PLXNA4: variants seen among roughly 807,000 people sequenced by gnomAD.
PLXNA4 encodes plexin A4.
PLXNA4 carries 44 observed loss-of-function variants against 191.8 expected under a neutral mutation model. The ratio of observed to expected loss-of-function variants is 0.23; its 90% CI spans 0.18 to 0.29. The LOEUF (loss-of-function observed/expected upper bound fraction) is 0.29. Ranked by LOEUF, PLXNA4 falls within the 10% of genes least tolerant of loss-of-function variation. The pLI is 1.00. For missense variants in PLXNA4, 1,800 were observed against 2,488.8 expected, an observed-to-expected ratio of 0.72 and a Z score of 5.89; for synonymous variants, 1,082 against 1,009.5, an observed-to-expected ratio of 1.07 and a Z score of -1.36.
chr7:132,552,147 T>A (rs1455835574), intron 1 of PLXNA4, among the ~76,000 whole-genome samples: 3 of 152,086 alleles, frequency 2.0e-5, no homozygotes, highest in Non-Finnish European at 1.5e-5. Context: ...ACAGGAAAGC[T>A]CCCGGTGAGA....
At chr7:132,383,565 T>C in intron 3 of PLXNA4, 1 of 984,108 alleles carries the variant, frequency 1.0e-6, no homozygotes, top group Non-Finnish European at 1.2e-6. Context: ...GCTTTTTCAC[T>C]GAATGTTATC....
intron 4 of PLXNA4, among the ~76,000 whole-genome samples, chr7:132,256,848 G>A (rs999984078): frequency 1.3e-5 from 2 of 152,234 alleles, no homozygotes; most frequent in South Asian, 2.1e-4. Context: ...TGGAATCTGA[G>A]TGATACGGCA....
chr7:132,534,324 C>G (rs1439274267), intron 1 of PLXNA4, among the ~76,000 whole-genome samples: 1 of 152,212 alleles, frequency 6.6e-6, no homozygotes, highest in Non-Finnish European at 1.5e-5. Flanking sequence ...ACCGCCCCTA[C>G]TAACTACTTC....
intron 2 of PLXNA4, among the ~76,000 whole-genome samples, chr7:132,497,971 T>A (rs964473708): frequency 4.6e-5 from 7 of 152,112 alleles, no homozygotes; most frequent in African/African-American, 1.7e-4. Context: ...GACAAACACA[T>A]CATTGCAGGG....
At chr7:132,218,899 A>T (rs1019951414) in intron 9 of PLXNA4, among the ~76,000 whole-genome samples, 2 of 152,232 alleles carry the variant, frequency 1.3e-5, no homozygotes, top group African/African-American at 4.8e-5. Flanking sequence ...TGCCATTAAT[A>T]TAATAACAAC....
intron 2 of PLXNA4, among the ~76,000 whole-genome samples, chr7:132,614,688 G>A (rs1034762554): frequency 6.6e-6 from 1 of 152,224 alleles, no homozygotes; most frequent in African/African-American, 2.4e-5. Context: ...ACGGGACAGA[G>A]GCACCTGGCC....
At chr7:132,140,548 C>G (rs1309733780) in intron 30 of PLXNA4, 51 bp downstream of exon 30, 1 of 1,598,404 alleles carries the variant, frequency 6.3e-7, no homozygotes, top group Non-Finnish European at 8.5e-7. Context: ...GTTGAGGGAG[C>G]TGCTGGCTCC....
chr7:132,348,021 C>T (rs867341083), intron 3 of PLXNA4, among the ~76,000 whole-genome samples: 3 of 152,176 alleles, frequency 2.0e-5, no homozygotes, highest in Non-Finnish European at 4.4e-5. Context: ...TTCCATTTGC[C>T]TCCCAGTTGC....
At chr7:132,222,591 T>TA (rs1798183978) in intron 9 of PLXNA4, among the ~76,000 whole-genome samples, 1 of 152,088 alleles carries the variant, frequency 6.6e-6, no homozygotes, top group Non-Finnish European at 1.5e-5. Flanking sequence ...GTCTGAAAGA[T>TA]ACACGCAAGA....
At chr7:132,318,365 C>T (rs879310456) in intron 3 of PLXNA4, among the ~76,000 whole-genome samples, 3 of 152,196 alleles carry the variant, frequency 2.0e-5, no homozygotes, top group South Asian at 2.1e-4. Context: ...CCCAGAGTGT[C>T]GAGGAAAGGA....
intron 4 of PLXNA4, among the ~76,000 whole-genome samples, chr7:132,248,838 C>T (rs932786877): frequency 5.1e-5 from 7 of 137,116 alleles, no homozygotes; most frequent in East Asian, 4.3e-4. Flanking sequence ...ATCTGGCCAC[C>T]CCAGTGTCAG....
chr7:132,537,053 A>G (rs1204210837), intron 1 of PLXNA4, among the ~76,000 whole-genome samples: 1 of 152,348 alleles, frequency 6.6e-6, no homozygotes, highest in African/African-American at 2.4e-5. Context: ...GCGACAGGTT[A>G]CGTATAAACT....
chr7:132,461,450 A>G (rs1184439464), intron 3 of PLXNA4, among the ~76,000 whole-genome samples: 1 of 152,264 alleles, frequency 6.6e-6, no homozygotes, highest in Non-Finnish European at 1.5e-5. Flanking sequence ...CAGTATGTAC[A>G]TACAAGGAGC....
intron 1 of PLXNA4, among the ~76,000 whole-genome samples, chr7:132,541,092 A>C (rs1039862385): frequency 6.6e-6 from 1 of 152,216 alleles, no homozygotes; most frequent in Non-Finnish European, 1.5e-5. Flanking sequence ...AGAGAGCCAG[A>C]GGGGAGAAAA....
intron 14 of PLXNA4, 125 bp from the exon 15 acceptor site, chr7:132,187,732 C>T: frequency 6.9e-7 from 1 of 1,448,246 alleles, no homozygotes. Flanking sequence ...AGTGGTCTCC[C>T]AGAGAACCAG....
At chr7:132,226,393 C>A (rs1798324166) in intron 7 of PLXNA4, 133 bp from the exon 8 acceptor site, 3 of 668,404 alleles carry the variant, frequency 4.5e-6, no homozygotes, top group Non-Finnish European at 7.7e-6. Flanking sequence ...TCTGACTCAG[C>A]AGACCCAGTC....
chr7:132,202,656 C>CG lies in PLXNA4; in HGVS notation c.2575dup (p.Arg859ProfsTer59). 6.6e-7 allele frequency: 1 copy of CG among 1,520,068 alleles called. No homozygotes were observed. The highest frequency in any genetic ancestry group is 8.9e-7 in the Non-Finnish European group (1 of 1,129,910). The allele number at this position is 1,520,068 out of a possible 1,614,324, so 94.2% of individuals were successfully genotyped here. A position where few individuals can be genotyped will look rare whatever the true frequency, so the allele number is the denominator to read the frequency against. ...CCGACCCCGGCTTACCTCTGTGATG[C>CG]GGGGGTTTGTGCACTTGCTTTTGGC... On this transcript the variant is annotated frameshift_variant, in exon 12 of 32. Transcript: ENST00000321063. LOFTEE classifies it high-confidence loss of function.
intron 2 of PLXNA4, among the ~76,000 whole-genome samples, chr7:132,643,294 ACTC>A (rs1283417497): frequency 2.0e-5 from 3 of 151,894 alleles, no homozygotes; most frequent in Non-Finnish European, 4.4e-5. Context: ...AAGATCATAA[ACTC>A]CTCAAGGGCA....
chr7:132,628,902 T>C (rs891274589), intron 2 of PLXNA4, among the ~76,000 whole-genome samples: 1 of 152,258 alleles, frequency 6.6e-6, no homozygotes, highest in African/African-American at 2.4e-5. Context: ...TCTGAGTTCC[T>C]TCTGATTTGC....
Sources: allele counts gnomAD v4.1 joint callset (sites outside exome capture counted in the v4.1 genomes callset), GRCh38; gene constraint gnomAD v4.1.1; transcripts MANE v1.5; gene names NCBI Gene and HGNC (gene_info 2026-07-23, HGNC 2026-07-21).